The following FAM169A variants were observed in gnomAD, a reference collection of about 807,000 sequenced individuals.
FAM169A encodes the protein soluble lamin-associated protein of 75 kDa.
FAM169A carries 24 observed loss-of-function variants against 75.7 expected under a neutral mutation model. The observed-to-expected ratio is 0.32, with a 90% confidence interval of 0.23 to 0.45. FAM169A has a LOEUF of 0.45. FAM169A is among the 20% of genes least tolerant of loss of function. The pLI, the probability that FAM169A is intolerant of heterozygous loss-of-function variation, is 1.00. For synonymous variants in FAM169A, 271 were observed against 271.0 expected, an observed-to-expected ratio of 1.00 and a Z score of 0.00; for missense variants, 673 against 784.0, an observed-to-expected ratio of 0.86 and a Z score of 1.69.
At chr5:74,845,283 C>G (rs1749095624) in intron 1 of FAM169A, among the ~76,000 whole-genome samples, 1 of 152,100 alleles carries the variant, frequency 6.6e-6, no homozygotes, top group Non-Finnish European at 1.5e-5. Flanking sequence ...CTTTGGGAGG[C>G]TGAGGTGGTT....
intron 1 of FAM169A, among the ~76,000 whole-genome samples, chr5:74,856,424 A>C (rs1170552156): frequency 1.3e-5 from 2 of 152,186 alleles, no homozygotes; most frequent in Non-Finnish European, 2.9e-5. Flanking sequence ...GACATGAAAT[A>C]TCTTTCCATT....
intron 1 of FAM169A, among the ~76,000 whole-genome samples, chr5:74,846,760 C>T (rs1749176538): frequency 6.6e-6 from 1 of 152,070 alleles, no homozygotes; most frequent in South Asian, 2.1e-4. Flanking sequence ...ATGAGGTCTC[C>T]CCAGGTTGCC....
chr5:74,849,326 ATTG>A (rs1227926669), intron 1 of FAM169A, among the ~76,000 whole-genome samples: 3 of 152,100 alleles, frequency 2.0e-5, no homozygotes, highest in Admixed American at 6.6e-5. Context: ...TTCCCTATTT[ATTG>A]TTGATTACTG....
intron 1 of FAM169A, among the ~76,000 whole-genome samples, chr5:74,863,135 G>C (rs946656819): frequency 1.3e-5 from 2 of 151,776 alleles, no homozygotes; most frequent in African/African-American, 4.8e-5. Flanking sequence ...GCATGTAAAC[G>C]TTAAGGTATC....
Position 74,780,747 on chromosome 5 carries a change from ATAAT to A in FAM169A, c.*709_*712del, listed in dbSNP as rs1745373005. On this transcript the variant is annotated 3_prime_UTR_variant, in exon 13 of 13. Coordinates refer to ENST00000687041, the MANE Select transcript of FAM169A (RefSeq NM_001376049.1). ...ACTAATACTTCAAATGAAATTTTAA[ATAAT>A]TAGTCCCCACATGCCACAGTTAAAT... 6.6e-6 allele frequency: 1 copy of A among 152,218 alleles called. No individual in the cohort carries two copies. Among genetic ancestry groups the A allele is most frequent in the Admixed American group, 6.5e-5 (1 of 15,282 alleles). 9.4% of individuals were successfully genotyped at this position (152,218 alleles called of 1,614,324 possible).
intron 5 of FAM169A, among the ~76,000 whole-genome samples, chr5:74,831,034 C>A (rs2112638191): frequency 6.6e-6 from 1 of 152,242 alleles, no homozygotes; most frequent in East Asian, 1.9e-4. Flanking sequence ...AACTTAACAA[C>A]CTTTCTCTTA....
chr5:74,859,751 C>T (rs1274527746), intron 1 of FAM169A, among the ~76,000 whole-genome samples: 2 of 152,154 alleles, frequency 1.3e-5, no homozygotes, highest in Admixed American at 1.3e-4. Flanking sequence ...AGCATGGTAG[C>T]TCATGCCTAT....
In FAM169A at chr5:74,836,647, CT is replaced by C. The variant is rs1466943938; in HGVS notation, c.319-2051del. Among the ~76,000 whole-genome samples, 4 of 152,292 alleles carry C rather than the reference CT, an allele frequency of 2.6e-5. No homozygotes were observed. In the South Asian group the frequency reaches 8.3e-4, roughly 32 times the overall value. ...TAGCAGTCCCCCTTCACTGATTTCT[CT>C]ATTTAAGAGGGAACGTAGGCCAGGA... On this transcript the variant is annotated intron_variant, in intron 4 of 12. Transcript: ENST00000687041.
At chr5:74,859,377 C>A (rs1378288922) in intron 1 of FAM169A, among the ~76,000 whole-genome samples, 13 of 146,768 alleles carry the variant, frequency 8.9e-5, no homozygotes, top group Non-Finnish European at 1.4e-4. Context: ...GCAACCTCCA[C>A]CTCCTGGATT....
At chr5:74,853,099 G>A (rs968403666) in intron 1 of FAM169A, among the ~76,000 whole-genome samples, 1 of 152,144 alleles carries the variant, frequency 6.6e-6, no homozygotes, top group Non-Finnish European at 1.5e-5. Context: ...TGAGCCAAAT[G>A]ATCACTGATA....
chr5:74,851,379 G>A (rs1431715749), intron 1 of FAM169A, among the ~76,000 whole-genome samples: 1 of 152,158 alleles, frequency 6.6e-6, no homozygotes, highest in African/African-American at 2.4e-5. Flanking sequence ...GGGAGCCAAA[G>A]CAGGACTCAT....
At chr5:74,787,148 G>A (rs1181628301) in intron 11 of FAM169A, among the ~76,000 whole-genome samples, 4 of 152,302 alleles carry the variant, frequency 2.6e-5, no homozygotes, top group African/African-American at 4.8e-5. Flanking sequence ...ATATAAGCAG[G>A]AATCTGGAGA....
chr5:74,840,005 C>T lies in FAM169A; in HGVS notation c.232+69G>A, dbSNP rs1748773323. ...AAAACCAAATTCCTTCATGTAGCTA[C>T]CTTTTAAATAAATTTCTAACAGTTT... On this transcript the variant is annotated intron_variant, in intron 3 of 12. Transcript: ENST00000687041. The T allele has an allele frequency of 6.5e-6, 5 of 775,170 alleles. No homozygotes were observed. In the South Asian group the frequency reaches 9.4e-5, roughly 15 times the overall value. The allele number at this position is 775,170 out of a possible 1,614,324, so 48.0% of individuals were successfully genotyped here.
chr5:74,802,802 T>C (rs897049406), intron 8 of FAM169A, among the ~76,000 whole-genome samples: 1 of 152,058 alleles, frequency 6.6e-6, no homozygotes, highest in African/African-American at 2.4e-5. Context: ...AAGGGAGCAA[T>C]TGTGATAAAT....
Position 74,834,536 on chromosome 5 carries a change from T to A in FAM169A, c.380A>T (p.Gln127Leu). 6.2e-7 allele frequency: 1 copy of A among 1,605,134 alleles called. No individual in the cohort carries two copies. Among genetic ancestry groups the A allele is most frequent in the East Asian group, 2.2e-5 (1 of 44,542 alleles). ...YVLNRIIYRK[Q>L]EMERNEIPFL... ...TGGGATCTCATTTCTCTCCATTTCC[T>A]GTTTTCTATAAATAATTCGATTCAG... is the stretch of plus-strand genomic sequence containing the variant. Residue 127 changes from glutamine to leucine, a missense_variant, in exon 5 of 13, where the codon CAG becomes CTG. This residue lies in a region of FAM169A where 107 missense variants were observed against 180.8 expected (regional missense o/e 0.59). Coordinates refer to ENST00000687041, the MANE Select transcript of FAM169A (RefSeq NM_001376049.1).
At chr5:74,786,685 G>C (rs1745710677) in intron 11 of FAM169A, among the ~76,000 whole-genome samples, 1 of 152,176 alleles carries the variant, frequency 6.6e-6, no homozygotes. Context: ...GGCTTCAAAA[G>C]CAGATACTCG....
In FAM169A at chr5:74,846,211, A is replaced by C. The variant is rs562984843; in HGVS notation, c.-3-4532T>G. 3.3e-4 allele frequency among the ~76,000 whole-genome samples: 51 copies of C among 152,366 alleles called. No homozygotes were observed. In the South Asian group the frequency reaches 0.01, roughly 31 times the overall value. On this transcript the variant is annotated intron_variant, in intron 1 of 12. Coordinates refer to ENST00000687041, the MANE Select transcript of FAM169A (RefSeq NM_001376049.1). ...GATTAATGTCATAGTATTCTCCTTA[A>C]ATCAATTCAAAAGATTCACTTGAAT...
At chr5:74,837,626 G>A (rs1042542146) in intron 4 of FAM169A, among the ~76,000 whole-genome samples, 2 of 151,884 alleles carry the variant, frequency 1.3e-5, no homozygotes, top group African/African-American at 4.8e-5. Flanking sequence ...ATCAAGTTTT[G>A]TTTTTCTGTG....
At chr5:74,814,107 A>G in intron 5 of FAM169A, 88 bp from the exon 6 acceptor site, 1 of 1,140,358 alleles carries the variant, frequency 8.8e-7, no homozygotes, top group Non-Finnish European at 1.2e-6. Flanking sequence ...TCTTTCTAAA[A>G]AAAGTTTTCT....
Sources: allele counts gnomAD v4.1 joint callset (sites outside exome capture counted in the v4.1 genomes callset), GRCh38; gene constraint gnomAD v4.1.1; regional missense constraint gnomAD v4.1.1; transcripts MANE v1.5; gene names NCBI Gene and HGNC (gene_info 2026-07-23, HGNC 2026-07-21).